Variants in PPP4R2 observed in about 807,000 individuals in gnomAD.
PPP4R2 encodes protein phosphatase 4 regulatory subunit 2, also known as serine/threonine-protein phosphatase 4 regulatory subunit 2.
PPP4R2 carries 13 observed loss-of-function variants against 47.2 expected under a neutral mutation model. That is an observed-to-expected ratio of 0.28 (90% CI 0.18 to 0.44). The LOEUF is 0.44. Ranked by LOEUF, PPP4R2 falls within the 20% of genes least tolerant of loss-of-function variation. PPP4R2 has a pLI of 1.00. For synonymous variants in PPP4R2, 151 were observed against 163.3 expected (o/e 0.92, Z 0.57); for missense variants, 421 against 491.2 (o/e 0.86, Z 1.35).
intron 3 of PPP4R2, among the ~76,000 whole-genome samples, chr3:73,058,196 G>C (rs1201509237): frequency 6.6e-6 from 1 of 152,010 alleles, no homozygotes; most frequent in African/African-American, 2.4e-5. Flanking sequence ...AAATTATTTG[G>C]TAAAGTTAAA....
rs774537822 is a variant in PPP4R2, at chr3:73,063,984, T to A, written c.495-19T>A. 10 of 1,563,994 alleles carry A rather than the reference T, an allele frequency of 6.4e-6. No individual in the cohort carries two copies. Among genetic ancestry groups the A allele is most frequent in the Non-Finnish European group, 8.6e-6 (10 of 1,158,046 alleles). ...CTTTTTATAAAAATAGGAAATGATGTTCATTTATCTTATTATAGGTCTAAT... is the reference window on the plus strand; with the variant it reads ...CTTTTTATAAAAATAGGAAATGATGATCATTTATCTTATTATAGGTCTAAT... On this transcript the variant is annotated intron_variant, in intron 6 of 8. Transcript: ENST00000356692.
intron 4 of PPP4R2, among the ~76,000 whole-genome samples, chr3:73,059,860 G>T (rs1017646761): frequency 6.6e-6 from 1 of 151,368 alleles, no homozygotes; most frequent in African/African-American, 2.4e-5. Flanking sequence ...GCTAGAACCT[G>T]GGAGACGGAG....
chr3:73,058,148 T>C (rs1223213142), intron 3 of PPP4R2, among the ~76,000 whole-genome samples: 1 of 152,158 alleles, frequency 6.6e-6, no homozygotes, highest in African/African-American at 2.4e-5. Context: ...ATATCAGTTT[T>C]GTATTTACTG....
chr3:73,024,921 A>G (rs1286159738), intron 2 of PPP4R2, among the ~76,000 whole-genome samples: 1 of 152,190 alleles, frequency 6.6e-6, no homozygotes, highest in Non-Finnish European at 1.5e-5. Context: ...GAGCTACACT[A>G]CCAAGCCAAA....
At chr3:73,012,682 A>G (rs768415650) in intron 2 of PPP4R2, among the ~76,000 whole-genome samples, 4 of 152,156 alleles carry the variant, frequency 2.6e-5, no homozygotes, top group Non-Finnish European at 5.9e-5. Flanking sequence ...CTGTATTTCT[A>G]TTTAAAATTG....
intron 3 of PPP4R2, among the ~76,000 whole-genome samples, chr3:73,054,856 A>G (rs1159033272): frequency 6.6e-6 from 1 of 152,176 alleles, no homozygotes; most frequent in East Asian, 1.9e-4. Context: ...TGCTTAAGAC[A>G]TTATTTCTTT....
chr3:73,053,956 A>T (rs1702675190), intron 3 of PPP4R2, among the ~76,000 whole-genome samples: 1 of 150,842 alleles, frequency 6.6e-6, no homozygotes, highest in South Asian at 2.1e-4. Context: ...GAGACATAAG[A>T]TTATATGTGT....
rs78064503 is a variant in PPP4R2 at position 73,037,442 on chromosome 3, T to C, written c.117-9744T>C. ...GTTAAGATGTTAACAAAAGGGATTG[T>C]GTATTGCAGTGTTCTCCACCAGGAA... On this transcript the variant is annotated intron_variant, in intron 2 of 8. Transcript: ENST00000356692. Among the ~76,000 whole-genome samples, 475 of 152,336 alleles carry C rather than the reference T, an allele frequency of 3.1e-3. 1 individual carries two copies. Among genetic ancestry groups the C allele is most frequent in the African/African-American group, 0.011 (448 of 41,584 alleles).
At chr3:73,059,248 AC>A in intron 4 of PPP4R2, 118 bp downstream of exon 4, 1 of 562,390 alleles carries the variant, frequency 1.8e-6, no homozygotes, top group South Asian at 2.7e-5. Context: ...TTTTCAGCCT[AC>A]CTTGAGTTTC....
intron 2 of PPP4R2, among the ~76,000 whole-genome samples, chr3:73,023,522 C>G (rs1702001313): frequency 1.3e-5 from 2 of 152,100 alleles, no homozygotes; most frequent in South Asian, 4.1e-4. Context: ...TTTTAAAAAT[C>G]ACTGAATTTG....
chr3:73,025,557 C>G (rs551571352), intron 2 of PPP4R2, among the ~76,000 whole-genome samples: 1 of 152,052 alleles, frequency 6.6e-6, no homozygotes, highest in East Asian at 1.9e-4. Context: ...AAACAAAGTG[C>G]TTTGGGAGCA....
chr3:73,010,236 T>C (rs1701695451), intron 2 of PPP4R2, among the ~76,000 whole-genome samples: 1 of 152,096 alleles, frequency 6.6e-6, no homozygotes, highest in South Asian at 2.1e-4. Context: ...TGTTTTGTTT[T>C]TTTTGAGACA....
intron 1 of PPP4R2, 68 bp downstream of exon 1, chr3:72,997,139 C>G (rs937117655): frequency 7.3e-6 from 9 of 1,228,170 alleles, no homozygotes; most frequent in Non-Finnish European, 7.4e-6. Flanking sequence ...CCTTTCAGGG[C>G]GGATGGTTCC....
rs541515986 is a variant in PPP4R2 at position 73,058,455 on chromosome 3, A to G, written c.288-582A>G. 3.8e-4 allele frequency among the ~76,000 whole-genome samples: 58 copies of G among 151,776 alleles called. 1 individual carries two copies. The highest frequency in any genetic ancestry group is 3.3e-3 in the South Asian group (16 of 4,798). The stretch of plus-strand genomic sequence containing the variant: ...ATTTAGAATTTTCTATTATATAAAA[A>G]TTTTTTCCTCAGTTTTGAAGCTTTC... On this transcript the variant is annotated intron_variant, in intron 3 of 8. Coordinates refer to ENST00000356692, the MANE Select transcript of PPP4R2 (RefSeq NM_174907.4).
chr3:73,065,400 C>A lies in PPP4R2; in HGVS notation c.932C>A (p.Ser311Tyr), dbSNP rs910462101. ...AACAACATTTGCTTATTTTTAGAGTCTTTTATGACATCAAGAGAAATGATC... is the reference window on the plus strand; with the variant it reads ...AACAACATTTGCTTATTTTTAGAGTATTTTATGACATCAAGAGAAATGATC... ...EEEDEEEEEE[S>Y]FMTSREMIPE... Residue 311 changes from serine to tyrosine, a missense_variant, in exon 9 of 9, where the codon TCT becomes TAT. Coordinates refer to ENST00000356692, the MANE Select transcript of PPP4R2 (RefSeq NM_174907.4). 6.3e-7 allele frequency: 1 copy of A among 1,588,482 alleles called. No individual in the cohort carries two copies. The highest frequency in any genetic ancestry group is 1.4e-5 in the African/African-American group (1 of 73,626).
Position 73,065,721 on chromosome 3 carries a change from A to G in PPP4R2, c.1253A>G (p.Ter418=). The G allele has an allele frequency of 1.3e-6, 2 of 1,584,280 alleles. No homozygotes were observed. The highest frequency in any genetic ancestry group is 1.1e-5 in the South Asian group (1 of 88,270). The stretch of plus-strand genomic sequence containing the variant: ...ACCGATGAACCAATGGAACAAGACT[A>G]ACTATTTAGAAACATTTAGATGCAG... ...EVTDEPMEQD[*] is the part of the protein sequence containing the mutation. The change falls in exon 9 of 9, where the codon TAA becomes TGA. Residue 418 remains the stop codon, a stop_retained_variant. Coordinates refer to ENST00000356692, the MANE Select transcript of PPP4R2 (RefSeq NM_174907.4).
chr3:73,064,619 T>TA (rs1210062173), intron 7 of PPP4R2, among the ~76,000 whole-genome samples: 37 of 152,300 alleles, frequency 2.4e-4, no homozygotes. Flanking sequence ...ATATTTAACT[T>TA]ACTGGAGAAT....
Position 72,996,905 on chromosome 3 carries a change from T to C in PPP4R2, c.-133T>C, listed in dbSNP as rs1241518392. 15 of 506,630 alleles carry C rather than the reference T, an allele frequency of 3.0e-5. No individual in the cohort carries two copies. Among genetic ancestry groups the C allele is most frequent in the South Asian group, 7.9e-5 (1 of 12,686 alleles). 31.4% of individuals were successfully genotyped at this position (506,630 alleles called of 1,614,324 possible). On this transcript the variant is annotated 5_prime_UTR_variant, in exon 1 of 9. Transcript: ENST00000356692. ...CACGCTTCCCCCGGCTCCCTTCGTT[T>C]CCCCCCCCCGGTCGCCTGCGTGCCG...
At chr3:73,019,341 C>T (rs1199705366) in intron 2 of PPP4R2, among the ~76,000 whole-genome samples, 2 of 152,140 alleles carry the variant, frequency 1.3e-5, no homozygotes, top group Non-Finnish European at 2.9e-5. Flanking sequence ...AAAAACAGAA[C>T]ACTGTCTTCA....
Sources: allele counts gnomAD v4.1 joint callset (sites outside exome capture counted in the v4.1 genomes callset), GRCh38; gene constraint gnomAD v4.1.1; transcripts MANE v1.5; gene names NCBI Gene and HGNC (gene_info 2026-07-23, HGNC 2026-07-21).